CCDC7: variants seen among roughly 807,000 people sequenced by gnomAD.
CCDC7 encodes coiled-coil domain-containing protein 7.
A neutral mutation model predicts 196.9 loss-of-function variants in CCDC7; 183 were observed. The ratio of observed to expected loss-of-function variants is 0.93; its 90% CI spans 0.82 to 1.05. The LOEUF (loss-of-function observed/expected upper bound fraction) is 1.05, where lower values mean the gene tolerates loss of function less well. Ranked by LOEUF, CCDC7 falls within the 50% of genes least tolerant of loss-of-function variation. The pLI, the probability that CCDC7 is intolerant of heterozygous loss-of-function variation, is 0.00. For synonymous variants in CCDC7, 525 were observed against 484.6 expected, an observed-to-expected ratio of 1.08 and a Z score of -1.10; for missense variants, 1,540 against 1,482.2, an observed-to-expected ratio of 1.04 and a Z score of -0.64.
At chr10:32,734,460 G>A (rs1018569332) in intron 28 of CCDC7, among the ~76,000 whole-genome samples, 1 of 152,152 alleles carries the variant, frequency 6.6e-6, no homozygotes, top group African/African-American at 2.4e-5. Flanking sequence ...TGAGAGAAGG[G>A]AGAGGAGCAG....
At position 32,507,195 on chromosome 10, in the gene CCDC7, G is replaced by A. The variant is rs537103024; in HGVS notation, c.873-10750G>A. 4.0e-3 allele frequency among the ~76,000 whole-genome samples: 615 copies of A among 152,142 alleles called. 5 individuals carry two copies. Among genetic ancestry groups the A allele is most frequent in the Non-Finnish European group, 4.0e-3 (269 of 68,004 alleles). ...TTTAGTAGAGACGGGGTTTCACCAT[G>A]TTGGCCAAGATGGTCTCGATCTCTT... On this transcript the variant is annotated intron_variant, in intron 9 of 41. Coordinates refer to ENST00000639629, the Ensembl canonical transcript of CCDC7.
At chr10:32,528,177 T>C (rs1210473980) in intron 11 of CCDC7, among the ~76,000 whole-genome samples, 1 of 152,218 alleles carries the variant, frequency 6.6e-6, no homozygotes, top group Non-Finnish European at 1.5e-5. Context: ...GTTTCATCCA[T>C]GTTGCTTCAA....
At chr10:32,824,784 G>T (rs970649156) in intron 32 of CCDC7, among the ~76,000 whole-genome samples, 180 bp downstream of exon 33, 2 of 152,106 alleles carry the variant, frequency 1.3e-5, no homozygotes, top group African/African-American at 4.8e-5. Context: ...TAGCTTTAGG[G>T]CTCATTTATT....
intron 31 of CCDC7, among the ~76,000 whole-genome samples, chr10:32,820,171 A>C (rs2135560134): frequency 6.6e-6 from 1 of 152,128 alleles, no homozygotes; most frequent in South Asian, 2.1e-4. Flanking sequence ...ATACACCAAT[A>C]ACAGACAGAA....
chr10:32,819,068 C>T (rs891253296), intron 31 of CCDC7, among the ~76,000 whole-genome samples: 7 of 151,916 alleles, frequency 4.6e-5, no homozygotes, highest in African/African-American at 1.2e-4. Flanking sequence ...AGACCACTAG[C>T]AAGACCAATA....
At chr10:32,690,885 G>C (rs2077002133) in intron 23 of CCDC7, among the ~76,000 whole-genome samples, 1 of 152,176 alleles carries the variant, frequency 6.6e-6, no homozygotes, top group Non-Finnish European at 1.5e-5. Context: ...TTTTGCAGTT[G>C]TCCGAAAGGA....
At chr10:32,528,618 A>G (rs1418802753) in intron 11 of CCDC7, among the ~76,000 whole-genome samples, 1 of 150,062 alleles carries the variant, frequency 6.7e-6, no homozygotes, top group East Asian at 1.9e-4. Context: ...ATTCCATGGT[A>G]TTCCATGGTA....
At chr10:32,750,156 T>A (rs1270152046) in intron 28 of CCDC7, among the ~76,000 whole-genome samples, 2 of 152,308 alleles carry the variant, frequency 1.3e-5, no homozygotes, top group African/African-American at 4.8e-5. Flanking sequence ...AAATATCCTT[T>A]CTCATCTTGC....
intron 21 of CCDC7, 60 bp downstream of exon 22, chr10:32,664,221 G>A (rs2072146134): frequency 2.3e-5 from 9 of 383,686 alleles, no homozygotes; most frequent in Non-Finnish European, 1.8e-5. Flanking sequence ...TAATTGGCAA[G>A]TAAAAATTAT....
chr10:32,776,323 A>C (rs2080051117), intron 28 of CCDC7, among the ~76,000 whole-genome samples: 1 of 152,230 alleles, frequency 6.6e-6, no homozygotes, highest in South Asian at 2.1e-4. Context: ...GGGAATTTAG[A>C]ACACCTGAGA....
intron 8 of CCDC7, among the ~76,000 whole-genome samples, chr10:32,482,502 C>CTT (rs200742381): frequency 4.0e-5 from 6 of 151,646 alleles, no homozygotes; most frequent in African/African-American, 7.3e-5. Flanking sequence ...ATCAGAATTT[C>CTT]TTTTTTTTAT....
intron 29 of CCDC7, 63 bp from the exon 31 acceptor site, chr10:32,804,952 C>T: frequency 1.1e-6 from 1 of 917,496 alleles, no homozygotes; most frequent in Middle Eastern, 2.2e-4. Context: ...CACACACACA[C>T]CCCTCACATT....
exon 13 of CCDC7, chr10:32,544,255 C>A: frequency 6.2e-7 from 1 of 1,604,962 alleles, no homozygotes; most frequent in South Asian, 1.1e-5. Flanking sequence ...AGGAAGATGT[C>A]TCCAGAAAAA....
chr10:32,779,516 A>G (rs780061539), intron 29 of CCDC7, among the ~76,000 whole-genome samples: 1 of 152,212 alleles, frequency 6.6e-6, no homozygotes, highest in South Asian at 2.1e-4. Context: ...TAAATTTGCA[A>G]TGTCAAATGG....
chr10:32,508,932 ATTTTT>A (rs4016795), intron 9 of CCDC7, among the ~76,000 whole-genome samples: 1 of 117,104 alleles, frequency 8.5e-6, no homozygotes, highest in African/African-American at 3.3e-5. Flanking sequence ...TGTGCCTGGC[ATTTTT>A]TTTTTTTTTT....
At chr10:32,877,560 T>G (rs1374757106), downstream of CCDC7, among the ~76,000 whole-genome samples, 2 of 152,134 alleles carry the variant, frequency 1.3e-5, no homozygotes, top group African/African-American at 2.4e-5. Context: ...CCAATCCAGC[T>G]TCTCAGTTTG....
At chr10:32,866,060 C>G (rs2094191360) in intron 41 of CCDC7, among the ~76,000 whole-genome samples, 1 of 151,668 alleles carries the variant, frequency 6.6e-6, no homozygotes, top group African/African-American at 2.4e-5. Context: ...ACCTAGCACC[C>G]AAATCTACAT....
intron 25 of CCDC7, among the ~76,000 whole-genome samples, chr10:32,718,872 G>T (rs934814244): frequency 6.6e-6 from 1 of 152,164 alleles, no homozygotes; most frequent in Non-Finnish European, 1.5e-5. Flanking sequence ...GGAAGTAAGA[G>T]AAGAGATAAA....
chr10:32,667,623 G>T (rs961725346), intron 21 of CCDC7, among the ~76,000 whole-genome samples: 3 of 152,088 alleles, frequency 2.0e-5, no homozygotes, highest in African/African-American at 7.2e-5. Flanking sequence ...TATTAAATAG[G>T]GAATCCTTTC....
Sources: gnomAD v4.1 joint callset for allele counts (sites outside exome capture counted in the v4.1 genomes callset) on GRCh38, gnomAD v4.1.1 for gene constraint, MANE v1.5 for transcripts, NCBI Gene and HGNC (gene_info 2026-07-23, HGNC 2026-07-21) for gene names.